Variants in PTPRD observed in about 807,000 individuals in gnomAD.
PTPRD encodes protein tyrosine phosphatase receptor type D.
A neutral mutation model predicts 214.5 loss-of-function variants in PTPRD; 34 were observed. The ratio of observed to expected loss-of-function variants is 0.16; its 90% confidence interval spans 0.12 to 0.21. PTPRD has a LOEUF of 0.21. PTPRD is among the 10% of genes least tolerant of loss of function. PTPRD has a pLI of 1.00. For synonymous variants in PTPRD, 1,128 were observed against 845.7 expected (o/e 1.33, Z -5.79); for missense variants, 2,545 against 2,398.7 (o/e 1.06, Z -1.27).
chr9:8,350,800 A>G (rs901105602), intron 39 of PTPRD, among the ~76,000 whole-genome samples: 1 of 152,140 alleles, frequency 6.6e-6, no homozygotes, highest in Non-Finnish European at 1.5e-5. Flanking sequence ...AAAAAATTGA[A>G]CAAATTGTCA....
chr9:8,998,879 T>A (rs1425506036), intron 11 of PTPRD, among the ~76,000 whole-genome samples: 1 of 152,018 alleles, frequency 6.6e-6, no homozygotes, highest in African/African-American at 2.4e-5. Flanking sequence ...ACAGATGACT[T>A]TGAGAGGTTC....
intron 37 of PTPRD, among the ~76,000 whole-genome samples, chr9:8,386,692 A>T: frequency 6.6e-6 from 1 of 152,140 alleles, no homozygotes; most frequent in African/African-American, 2.4e-5. Flanking sequence ...TGAAGTCTGG[A>T]GCTATAGATT....
intron 7 of PTPRD, among the ~76,000 whole-genome samples, chr9:9,607,005 A>AAAAAAAAAAAAAAT (rs1187365479): frequency 5.0e-5 from 6 of 119,678 alleles, no homozygotes; most frequent in African/African-American, 1.3e-4. Flanking sequence ...AAAAAAAAAA[A>AAAAAAAAAAAAAAT]GTGTTTCTGC....
intron 5 of PTPRD, among the ~76,000 whole-genome samples, chr9:9,796,113 C>G (rs2099000844): frequency 6.6e-6 from 1 of 151,994 alleles, no homozygotes; most frequent in African/African-American, 2.4e-5. Context: ...ATCAAATATT[C>G]ACTTCCAAAC....
At chr9:10,197,702 C>G (rs995750251) in intron 3 of PTPRD, among the ~76,000 whole-genome samples, 1 of 152,018 alleles carries the variant, frequency 6.6e-6, no homozygotes, top group Non-Finnish European at 1.5e-5. Flanking sequence ...TCAGGAAAAG[C>G]AGAGTCCTGA....
intron 5 of PTPRD, among the ~76,000 whole-genome samples, chr9:9,818,148 A>G (rs1376271429): frequency 1.3e-5 from 2 of 152,230 alleles, no homozygotes; most frequent in African/African-American, 4.8e-5. Flanking sequence ...ACAAGGATTT[A>G]GAAATAATAT....
chr9:10,531,130 A>T lies in PTPRD; in HGVS notation c.-600+81268T>A, dbSNP rs2056150926. Among the ~76,000 whole-genome samples the T allele has an allele frequency of 2.0e-5, 3 of 152,032 alleles. No homozygotes were observed. In the South Asian group the frequency reaches 6.2e-4, roughly 32 times the overall value. ...ACGCCCGGCTAATTTTTGTATTTTT[A>T]GTAGAGACGGGGTTTCACCATGTTG... is the stretch of plus-strand genomic sequence containing the variant. On this transcript the variant is annotated intron_variant, in intron 2 of 45. Transcript: ENST00000381196.
chr9:9,245,029 A>T (rs200233189), intron 9 of PTPRD, among the ~76,000 whole-genome samples: 35 of 152,240 alleles, frequency 2.3e-4, no homozygotes, highest in African/African-American at 7.7e-4. Context: ...AACAGATACA[A>T]GAAAAAATGC....
At chr9:9,952,577 T>G (rs1235539599) in intron 4 of PTPRD, among the ~76,000 whole-genome samples, 1 of 152,158 alleles carries the variant, frequency 6.6e-6, no homozygotes, top group African/African-American at 2.4e-5. Flanking sequence ...CAGAGTACAA[T>G]GATTGAATGG....
intron 8 of PTPRD, among the ~76,000 whole-genome samples, chr9:9,470,653 C>G (rs1271456677): frequency 6.6e-6 from 1 of 152,070 alleles, no homozygotes; most frequent in Non-Finnish European, 1.5e-5. Context: ...TATATGGTAC[C>G]AAACTTCCAA....
intron 7 of PTPRD, among the ~76,000 whole-genome samples, chr9:9,662,868 C>T (rs1564396457): frequency 6.6e-6 from 1 of 151,374 alleles, no homozygotes; most frequent in African/African-American, 2.4e-5. Flanking sequence ...AGTTTGATTC[C>T]CTGATAGATT....
chr9:9,190,084 T>C (rs976800801), intron 9 of PTPRD, among the ~76,000 whole-genome samples: 1 of 152,114 alleles, frequency 6.6e-6, no homozygotes, highest in East Asian at 1.9e-4. Context: ...TCCTCCAAAG[T>C]TCATGTGTTG....
chr9:8,746,719 C>T (rs1270445526), intron 11 of PTPRD, among the ~76,000 whole-genome samples: 2 of 152,156 alleles, frequency 1.3e-5, no homozygotes, highest in African/African-American at 2.4e-5. Flanking sequence ...CTGGGTCAGG[C>T]ACGATGCCTC....
chr9:8,503,605 T>C (rs1476600178), intron 23 of PTPRD, among the ~76,000 whole-genome samples: 2 of 152,182 alleles, frequency 1.3e-5, no homozygotes, highest in Admixed American at 1.3e-4. Flanking sequence ...CAGCTATGCT[T>C]AAGGGTAACA....
chr9:8,650,876 C>CTT (rs531637673), intron 12 of PTPRD, among the ~76,000 whole-genome samples: 2 of 140,416 alleles, frequency 1.4e-5, no homozygotes, highest in East Asian at 2.1e-4. Flanking sequence ...ATTTAGCATT[C>CTT]TTTTTTTTTT....
At chr9:8,557,637 G>A (rs979324450) in intron 14 of PTPRD, among the ~76,000 whole-genome samples, 13 of 148,772 alleles carry the variant, frequency 8.7e-5, no homozygotes, top group African/African-American at 2.7e-4. Flanking sequence ...CAACTACTGG[G>A]GAGGCTGAGG....
chr9:8,949,583 A>G (rs2099090768), intron 11 of PTPRD, among the ~76,000 whole-genome samples: 1 of 152,116 alleles, frequency 6.6e-6, no homozygotes, highest in African/African-American at 2.4e-5. Flanking sequence ...ACGTTTTGCT[A>G]ATGTGATGTT....
At chr9:10,441,587 A>G (rs958788266) in intron 2 of PTPRD, among the ~76,000 whole-genome samples, 1 of 151,366 alleles carries the variant, frequency 6.6e-6, no homozygotes, top group African/African-American at 2.4e-5. Context: ...ATCTCAACTT[A>G]TCCTTATTAT....
rs936632045 is a variant in PTPRD at position 10,466,729 on chromosome 9, T to A, written c.-599-125712A>T. Among the ~76,000 whole-genome samples, 3 of 150,790 alleles carry A rather than the reference T, an allele frequency of 2.0e-5. No homozygotes were observed. In the South Asian group the frequency reaches 6.3e-4, roughly 32 times the overall value. ...TAAAGCAGAATTCAGACTTCGAGCA[T>A]CTGAAAACTTCACATAAAGTTTAAA... On this transcript the variant is annotated intron_variant, in intron 2 of 45. Transcript: ENST00000381196.
Sources: allele counts gnomAD v4.1 joint callset (sites outside exome capture counted in the v4.1 genomes callset), GRCh38; gene constraint gnomAD v4.1.1; transcripts MANE v1.5; gene names NCBI Gene and HGNC (gene_info 2026-07-23, HGNC 2026-07-21).